PDE4D: variants seen among roughly 807,000 people sequenced by gnomAD.
PDE4D encodes the protein 3',5'-cyclic-AMP phosphodiesterase 4D.
PDE4D carries 24 observed loss-of-function variants against 87.4 expected under a neutral mutation model. The observed-to-expected ratio is 0.27, with a 90% CI of 0.20 to 0.39. PDE4D has a LOEUF of 0.39. Ranked by LOEUF, PDE4D falls within the 10% of genes least tolerant of loss-of-function variation. The pLI, the probability that PDE4D is intolerant of heterozygous loss-of-function variation, is 1.00. For missense variants in PDE4D, 714 were observed against 1,041.0 expected (o/e 0.69, Z 4.32); for synonymous variants, 384 against 383.2 (o/e 1.00, Z -0.02).
chr5:60,042,601 C>G (rs574463526), intron 2 of PDE4D, among the ~76,000 whole-genome samples: 21 of 152,178 alleles, frequency 1.4e-4, no homozygotes, highest in African/African-American at 1.9e-4. Flanking sequence ...GAGGAAAGAA[C>G]AGGCAGCAAT....
At chr5:60,326,023 T>G (rs1756756186) in intron 1 of PDE4D, among the ~76,000 whole-genome samples, 1 of 152,186 alleles carries the variant, frequency 6.6e-6, no homozygotes, top group Admixed American at 6.5e-5. Context: ...CTGAGTAGTA[T>G]TCCGTGGTGT....
intron 2 of PDE4D, among the ~76,000 whole-genome samples, chr5:60,165,474 A>G (rs1443523741): frequency 1.3e-5 from 2 of 152,092 alleles, no homozygotes; most frequent in East Asian, 3.9e-4. Context: ...TTTCTGCTCA[A>G]TAATACTTTG....
At chr5:59,043,520 CT>C (rs1212388230) in intron 5 of PDE4D, among the ~76,000 whole-genome samples, 9 of 143,704 alleles carry the variant, frequency 6.3e-5, no homozygotes, top group Non-Finnish European at 1.2e-4. Context: ...AAGACTCCGA[CT>C]CAAAAAAACA....
At chr5:60,124,216 T>C (rs1778934665) in intron 2 of PDE4D, among the ~76,000 whole-genome samples, 1 of 152,236 alleles carries the variant, frequency 6.6e-6, no homozygotes, top group South Asian at 2.1e-4. Context: ...AGTTGGTATC[T>C]GTTTTTCCCA....
intron 5 of PDE4D, among the ~76,000 whole-genome samples, chr5:59,172,216 A>G (rs1783075510): frequency 1.9e-5 from 2 of 104,322 alleles, no homozygotes; most frequent in South Asian, 5.3e-4. Flanking sequence ...TATATAATAT[A>G]TAATAAATAT....
chr5:59,780,582 T>G (rs1015388886), intron 1 of PDE4D, among the ~76,000 whole-genome samples: 4 of 152,226 alleles, frequency 2.6e-5, no homozygotes, highest in African/African-American at 9.6e-5. Context: ...GCTAAGCATG[T>G]ATTCTTTGTG....
intron 1 of PDE4D, among the ~76,000 whole-genome samples, chr5:59,768,068 G>A (rs1320046200): frequency 1.3e-5 from 2 of 152,142 alleles, no homozygotes; most frequent in Admixed American, 6.5e-5. Flanking sequence ...CAGTCTCCAG[G>A]ATTCTTGCCC....
At chr5:59,011,090 G>A (rs4279300) in intron 6 of PDE4D, among the ~76,000 whole-genome samples, 15,661 of 152,176 alleles carry the variant, frequency 0.1, 1,286 homozygotes, top group East Asian at 0.48. Flanking sequence ...CTGACTGTTA[G>A]AAGGAAAACT....
At chr5:59,211,792 C>T (rs944084332) in intron 2 of PDE4D, among the ~76,000 whole-genome samples, 1 of 152,026 alleles carries the variant, frequency 6.6e-6, no homozygotes, top group Non-Finnish European at 1.5e-5. Flanking sequence ...TTTTGTTCTT[C>T]AGCTATTTCA....
At position 58,975,885 on chromosome 5, in the gene PDE4D, TTAA is replaced by T; in HGVS notation, c.1831-49_1831-47del. 1 of 1,161,354 alleles carries T rather than the reference TTAA, an allele frequency of 8.6e-7. No homozygotes were observed. The highest frequency in any genetic ancestry group is 2.1e-5 in the African/African-American group (1 of 47,228). The allele number at this position is 1,161,354 out of a possible 1,614,324, so 71.9% of individuals were successfully genotyped here. On this transcript the variant is annotated intron_variant, in intron 13 of 14. Transcript: ENST00000340635. This position sits in a 1 kb window ranked among gnomAD's most constrained non-coding sequence, Gnocchi z 4.2. ...CTCTATTCACTCCTGTTCCTTTTTT[TTAA>T]AAAAAAAAACAAAAAAAACTAGAAA...
chr5:59,876,602 A>G (rs1470785633), intron 1 of PDE4D, among the ~76,000 whole-genome samples: 1 of 152,124 alleles, frequency 6.6e-6, no homozygotes, highest in Non-Finnish European at 1.5e-5. Context: ...TAATGTCTCA[A>G]CTGGACTCCC....
intron 1 of PDE4D, among the ~76,000 whole-genome samples, chr5:60,477,659 A>C (rs969909466): frequency 6.6e-6 from 1 of 152,176 alleles, no homozygotes; most frequent in Non-Finnish European, 1.5e-5. Context: ...GTTCCACCAC[A>C]AACTGCTTTG....
intron 1 of PDE4D, among the ~76,000 whole-genome samples, chr5:59,273,007 T>C (rs1366140659): frequency 1.3e-5 from 2 of 152,164 alleles, no homozygotes; most frequent in African/African-American, 4.8e-5. Context: ...TTGGAGAAAG[T>C]AGACCAATGG....
intron 3 of PDE4D, among the ~76,000 whole-genome samples, chr5:59,970,921 G>T (rs995757346): frequency 6.7e-6 from 1 of 149,132 alleles, no homozygotes; most frequent in Non-Finnish European, 1.5e-5. Flanking sequence ...TGTTTATTGT[G>T]GCACTATTCA....
intron 1 of PDE4D, among the ~76,000 whole-genome samples, chr5:59,536,671 G>A (rs755564992): frequency 6.6e-6 from 1 of 152,034 alleles, no homozygotes. Context: ...GATTTCAGCT[G>A]TTATGACACA....
intron 7 of PDE4D, among the ~76,000 whole-genome samples, 168 bp from the exon 8 acceptor site, chr5:58,992,172 TTG>T (rs1748067419): frequency 6.6e-6 from 1 of 152,212 alleles, no homozygotes; most frequent in Non-Finnish European, 1.5e-5. Flanking sequence ...TGGACTTAAT[TTG>T]ATGTCTTCAA....
At chr5:59,779,355 G>T (rs1309793568) in intron 1 of PDE4D, among the ~76,000 whole-genome samples, 5 of 152,146 alleles carry the variant, frequency 3.3e-5, no homozygotes, top group Non-Finnish European at 7.3e-5. Flanking sequence ...GTTACCAGTT[G>T]TGTTTGTTCT....
At chr5:59,309,678 G>T (rs934751888) in intron 1 of PDE4D, among the ~76,000 whole-genome samples, 11 of 152,272 alleles carry the variant, frequency 7.2e-5, no homozygotes, top group African/African-American at 2.4e-4. Flanking sequence ...CAAGGTTGCT[G>T]GTTTGTTCTT....
chr5:59,949,523 G>A (rs1180911534), intron 3 of PDE4D, among the ~76,000 whole-genome samples: 1 of 151,844 alleles, frequency 6.6e-6, no homozygotes, highest in Non-Finnish European at 1.5e-5. Flanking sequence ...AAACTATCTG[G>A]TTTAACTATG....
Sources: allele counts gnomAD v4.1 joint callset (sites outside exome capture counted in the v4.1 genomes callset), GRCh38; gene constraint gnomAD v4.1.1; non-coding constraint Gnocchi (gnomAD v3.1); transcripts MANE v1.5; gene names NCBI Gene and HGNC (gene_info 2026-07-23, HGNC 2026-07-21).